ARID1B: variants seen among roughly 807,000 people sequenced by gnomAD.
ARID1B encodes the protein AT-rich interaction domain 1B.
Under a neutral mutation model 212.3 loss-of-function variants are expected in ARID1B, and 30 were observed. The ratio of observed to expected loss-of-function variants is 0.14; its 90% CI spans 0.11 to 0.19. The LOEUF (loss-of-function observed/expected upper bound fraction) is 0.19, where lower values mean the gene tolerates loss of function less well. Among genes scored for constraint, ARID1B ranks in the 10% least tolerant of loss-of-function variants. ARID1B has a pLI of 1.00. For missense variants in ARID1B, 2,891 were observed against 3,204.0 expected, an observed-to-expected ratio of 0.90 and a Z score of 2.36; for synonymous variants, 1,402 against 1,301.7, an observed-to-expected ratio of 1.08 and a Z score of -1.66.
At chr6:156,899,812 G>A (rs1788776940) in intron 2 of ARID1B, among the ~76,000 whole-genome samples, 1 of 152,148 alleles carries the variant, frequency 6.6e-6, no homozygotes, top group Admixed American at 6.5e-5. Flanking sequence ...ATATTAAAGC[G>A]CAATTCATAG....
At chr6:156,861,188 G>T (rs1340176875) in intron 2 of ARID1B, among the ~76,000 whole-genome samples, 1 of 152,210 alleles carries the variant, frequency 6.6e-6, no homozygotes, top group Non-Finnish European at 1.5e-5. Flanking sequence ...TGGTGGTGGG[G>T]AGGGGGGACA....
chr6:157,012,208 T>C (rs1779656165), intron 4 of ARID1B, among the ~76,000 whole-genome samples: 1 of 152,168 alleles, frequency 6.6e-6, no homozygotes, highest in Non-Finnish European at 1.5e-5. Flanking sequence ...ATACCTGAGA[T>C]GTAGGATGGA....
chr6:157,031,011 G>A (rs182476121), intron 4 of ARID1B, among the ~76,000 whole-genome samples: 8 of 152,016 alleles, frequency 5.3e-5, no homozygotes, highest in Admixed American at 3.3e-4. Context: ...TGAGGAGAAC[G>A]AGGAGAATTA....
intron 7 of ARID1B, among the ~76,000 whole-genome samples, chr6:157,143,486 TG>T (rs148727916): frequency 0.22 from 33,190 of 147,544 alleles, 3,861 homozygotes; most frequent in African/African-American, 0.29. Flanking sequence ...TTTTAAAAGA[TG>T]GGGGGGGTGA....
At chr6:157,054,962 T>G (rs946399879) in intron 4 of ARID1B, among the ~76,000 whole-genome samples, 1 of 152,212 alleles carries the variant, frequency 6.6e-6, no homozygotes, top group Admixed American at 6.5e-5. Context: ...GGTTCCATTT[T>G]CCATTCAGTT....
At chr6:157,107,132 A>G (rs1194681513) in intron 5 of ARID1B, among the ~76,000 whole-genome samples, 1 of 152,228 alleles carries the variant, frequency 6.6e-6, no homozygotes, top group Non-Finnish European at 1.5e-5. Flanking sequence ...ATATAATCAG[A>G]GCAAATAAAA....
intron 3 of ARID1B, among the ~76,000 whole-genome samples, chr6:156,905,043 C>T (rs377132603): frequency 1.6e-4 from 25 of 152,126 alleles, no homozygotes; most frequent in Non-Finnish European, 3.2e-4. Flanking sequence ...TATTTAAAGG[C>T]ATTTGTGTTT....
chr6:156,854,553 G>T lies in ARID1B; in HGVS notation c.1986+25132G>T, dbSNP rs1339448676. 1.3e-5 allele frequency among the ~76,000 whole-genome samples: 2 copies of T among 152,226 alleles called. 1 individual carries two copies. Among genetic ancestry groups the T allele is most frequent in the African/African-American group, 4.8e-5 (2 of 41,460 alleles). On this transcript the variant is annotated intron_variant, in intron 2 of 19. Coordinates refer to ENST00000636930, the MANE Select transcript of ARID1B (RefSeq NM_001374828.1). ...TAGCCTCTCTAGACCCAGGGAACAT[G>T]TTGGGTCAGCTTTCAAAATTGACAA...
chr6:156,792,972 T>C (rs957709898), intron 1 of ARID1B, among the ~76,000 whole-genome samples: 2 of 151,786 alleles, frequency 1.3e-5, no homozygotes, highest in African/African-American at 4.8e-5. Flanking sequence ...GAAAAAAAAA[T>C]TGGGGGAAGT....
chr6:157,189,615 T>C, intron 13 of ARID1B, 27 bp from the exon 14 acceptor site: 2 of 1,579,366 alleles, frequency 1.3e-6, no homozygotes, highest in Non-Finnish European at 1.7e-6. Flanking sequence ...GATTTCTTCC[T>C]GTTTCTCTTG....
At chr6:157,023,382 C>T (rs1162700846) in intron 4 of ARID1B, 1 of 152,116 alleles carries the variant, frequency 6.6e-6, no homozygotes, top group Non-Finnish European at 1.5e-5. Context: ...CTTTTAACTC[C>T]CTAGCTTTGT....
chr6:157,026,147 A>G (rs1382644316), intron 4 of ARID1B, among the ~76,000 whole-genome samples: 2 of 152,006 alleles, frequency 1.3e-5, no homozygotes, highest in Non-Finnish European at 2.9e-5. Flanking sequence ...CTGGTCTCAA[A>G]CTCCCGACCT....
Position 157,189,719 on chromosome 6 carries a change from C to T in ARID1B, c.3997C>T (p.Leu1333=), listed in dbSNP as rs138482029. 3 of 1,613,928 alleles carry T rather than the reference C, an allele frequency of 1.9e-6. No individual in the cohort carries two copies. Among genetic ancestry groups the T allele is most frequent in the Non-Finnish European group, 2.5e-6 (3 of 1,180,008 alleles). The change falls in exon 14 of 20, where the codon CTG becomes TTG. Residue 1333 remains leucine (L), a synonymous_variant. Coordinates refer to ENST00000636930, the MANE Select transcript of ARID1B (RefSeq NM_001374828.1). Reference sequence around the variant, plus strand: ...TTCCATGGCAGAGGTTCCAGGTGACCTGAAGCCACCTACCCCAGCCTCCAC... The same window carrying T: ...TTCCATGGCAGAGGTTCCAGGTGACTTGAAGCCACCTACCCCAGCCTCCAC... The part of the protein sequence containing the change: ...SNSMAEVPGD[L]KPPTPASTPH...
At chr6:157,031,846 A>G (rs866187400) in intron 4 of ARID1B, among the ~76,000 whole-genome samples, 27 of 151,408 alleles carry the variant, frequency 1.8e-4, no homozygotes, top group African/African-American at 6.1e-4. Context: ...GGCTGGATGG[A>G]GTGCAATGGT....
chr6:156,931,503 C>A (rs545376538), intron 3 of ARID1B, among the ~76,000 whole-genome samples: 2 of 152,096 alleles, frequency 1.3e-5, no homozygotes, highest in Non-Finnish European at 2.9e-5. Flanking sequence ...GGGAATAAGC[C>A]CATAGTAGGC....
intron 6 of ARID1B, among the ~76,000 whole-genome samples, chr6:157,125,289 G>A (rs906048280): frequency 2.6e-5 from 4 of 152,186 alleles, no homozygotes; most frequent in Non-Finnish European, 5.9e-5. Flanking sequence ...GGGCCTGGCT[G>A]GAGATGCTCA....
rs551223916 is a variant in ARID1B at position 156,785,566 on chromosome 6, C to G, written c.1791+6095C>G. Among the ~76,000 whole-genome samples, 23 of 151,988 alleles carry G rather than the reference C, an allele frequency of 1.5e-4. 1 individual carries two copies. The highest frequency in any genetic ancestry group is 5.3e-4 in the African/African-American group (22 of 41,412). On this transcript the variant is annotated intron_variant, in intron 1 of 19. Transcript: ENST00000636930. ...AGGTAAGCTATACGTACATAACATA[C>G]AACTTACCATTTGAACCATTTTTAG...
chr6:156,900,776 G>A (rs552961594), intron 2 of ARID1B, among the ~76,000 whole-genome samples: 1 of 152,104 alleles, frequency 6.6e-6, no homozygotes, highest in Admixed American at 6.5e-5. Context: ...TATACCTCTG[G>A]TATTTGCACT....
At chr6:156,784,591 A>G (rs1221776705) in intron 1 of ARID1B, among the ~76,000 whole-genome samples, 1 of 152,216 alleles carries the variant, frequency 6.6e-6, no homozygotes, top group Non-Finnish European at 1.5e-5. Flanking sequence ...ATCTGAATGA[A>G]TGGAATGATA....
Sources: gnomAD v4.1 joint callset for allele counts (sites outside exome capture counted in the v4.1 genomes callset) on GRCh38, gnomAD v4.1.1 for gene constraint, MANE v1.5 for transcripts, NCBI Gene and HGNC (gene_info 2026-07-23, HGNC 2026-07-21) for gene names.